The following DOP1A variants were observed in gnomAD, a reference collection of about 807,000 sequenced individuals.
DOP1A encodes DOP1 leucine zipper like protein A, also known as protein DOP1A.
In DOP1A, 90 loss-of-function variants were observed where a neutral mutation model predicts 267.6. The observed-to-expected ratio is 0.34, with a 90% CI of 0.28 to 0.40. The LOEUF (loss-of-function observed/expected upper bound fraction) is 0.40. DOP1A is among the 10% of genes least tolerant of loss of function. The probability of loss-of-function intolerance (pLI) is 1.00; values close to 1 mark genes in which losing one functional copy is unlikely to be tolerated. For synonymous variants in DOP1A, 932 were observed against 999.1 expected (o/e 0.93, Z 1.27); for missense variants, 2,437 against 2,900.4 (o/e 0.84, Z 3.67).
At chr6:83,097,755 A>T (rs1045131915) in intron 3 of DOP1A, among the ~76,000 whole-genome samples, 2 of 151,950 alleles carry the variant, frequency 1.3e-5, no homozygotes, top group African/African-American at 4.8e-5. Flanking sequence ...CCCATAGTTA[A>T]GGTTTTTTTT....
intron 36 of DOP1A, among the ~76,000 whole-genome samples, chr6:83,159,299 G>C (rs1348815627): frequency 6.6e-6 from 1 of 151,622 alleles, no homozygotes; most frequent in East Asian, 1.9e-4. Context: ...TTTTAGACAG[G>C]GTCTCATCTT....
chr6:83,156,144 G>A (rs1472554201), intron 34 of DOP1A, 41 bp downstream of exon 34: 2 of 1,539,564 alleles, frequency 1.3e-6, no homozygotes, highest in Non-Finnish European at 1.8e-6. Flanking sequence ...CTAACTACAG[G>A]TTTTTGGTTC....
chr6:83,141,510 C>T (rs951766408), intron 23 of DOP1A, among the ~76,000 whole-genome samples: 1 of 152,164 alleles, frequency 6.6e-6, no homozygotes, highest in Non-Finnish European at 1.5e-5. Flanking sequence ...ACCATTAGAA[C>T]ATTTGATCTA....
chr6:83,107,965 T>C (rs748707416), intron 4 of DOP1A, among the ~76,000 whole-genome samples: 8 of 152,234 alleles, frequency 5.3e-5, no homozygotes, highest in Non-Finnish European at 1.0e-4. Flanking sequence ...AAAGTCCACA[T>C]TGGCAATGGG....
At chr6:83,093,422 C>G (rs1770837819) in intron 1 of DOP1A, among the ~76,000 whole-genome samples, 1 of 152,124 alleles carries the variant, frequency 6.6e-6, no homozygotes, top group South Asian at 2.1e-4. Flanking sequence ...GGATTTGTAG[C>G]TTTTTTCAGT....
chr6:83,140,274 C>T lies in DOP1A; in HGVS notation c.5286C>T (p.Leu1762=), dbSNP rs570657270. The T allele has an allele frequency of 8.1e-6, 13 of 1,613,650 alleles. No homozygotes were observed. The East Asian group carries it at 2.9e-4, about 36-fold the overall frequency. ...KHLFEARSGI[L]SILHMIMSSV... is the part of the protein sequence containing the mutation. The stretch of plus-strand genomic sequence containing the variant: ...TGTTTGAAGCACGCAGTGGAATCCT[C>T]TCAATCCTTCATATGATCATGTCCT... Residue 1762 remains leucine, a synonymous_variant, in exon 23 of 39, where the codon CTC becomes CTT. Transcript: ENST00000349129.
At chr6:83,105,393 C>T (rs1487633797) in intron 4 of DOP1A, among the ~76,000 whole-genome samples, 2 of 99,876 alleles carry the variant, frequency 2.0e-5, no homozygotes, top group East Asian at 7.1e-4. Context: ...TTGAGACAGT[C>T]TCGCTCTGTC....
At chr6:83,086,655 T>C (rs776692120) in intron 1 of DOP1A, among the ~76,000 whole-genome samples, 1 of 152,170 alleles carries the variant, frequency 6.6e-6, no homozygotes, top group African/African-American at 2.4e-5. Flanking sequence ...TGAATACTGC[T>C]GAGTTGAATA....
chr6:83,153,507 A>C lies in DOP1A; in HGVS notation c.6130-4A>C. ...GTTACTCTTCATTTTTTATGTTTTC[A>C]TAGGTTTTGGCTCATCTTTTGGATA... On this transcript the variant is annotated splice_region_variant and splice_polypyrimidine_tract_variant and intron_variant, in intron 30 of 38. Transcript: ENST00000349129. 1 of 1,577,746 alleles carries C rather than the reference A, an allele frequency of 6.3e-7. No individual in the cohort carries two copies. Among genetic ancestry groups the C allele is most frequent in the East Asian group, 2.3e-5 (1 of 43,638 alleles).
chr6:83,153,197 G>T (rs190585326), intron 30 of DOP1A, among the ~76,000 whole-genome samples: 148 of 152,076 alleles, frequency 9.7e-4, no homozygotes, highest in African/African-American at 3.3e-3. Context: ...CAGGGAAAAA[G>T]AATACTATAG....
At chr6:83,111,635 T>C (rs1774580277) in intron 6 of DOP1A, among the ~76,000 whole-genome samples, 1 of 152,134 alleles carries the variant, frequency 6.6e-6, no homozygotes, top group Non-Finnish European at 1.5e-5. Context: ...GATGAACATC[T>C]TGTGGTTGGT....
downstream of DOP1A, chr6:83,170,178 G>T: frequency 1.3e-6 from 1 of 789,056 alleles, no homozygotes. Context: ...TAGTCTTAAT[G>T]TGAACCTAAA....
chr6:83,122,424 G>A (rs560385850), intron 11 of DOP1A, among the ~76,000 whole-genome samples: 1 of 151,974 alleles, frequency 6.6e-6, no homozygotes, highest in East Asian at 1.9e-4. Flanking sequence ...ATTGAAACTG[G>A]TCAAGGTAAA....
At chr6:83,143,955 A>C (rs1442636336) in intron 24 of DOP1A, among the ~76,000 whole-genome samples, 8 of 152,204 alleles carry the variant, frequency 5.3e-5, no homozygotes, top group Admixed American at 5.2e-4. Context: ...AAAAGCTTCT[A>C]ATGAAAGAAT....
intron 16 of DOP1A, 78 bp from the exon 17 acceptor site, chr6:83,130,045 T>C: frequency 6.5e-7 from 1 of 1,531,224 alleles, no homozygotes; most frequent in Admixed American, 1.9e-5. Context: ...TTAGTGGCTT[T>C]GTTTTTTGAA....
intron 34 of DOP1A, among the ~76,000 whole-genome samples, chr6:83,156,885 C>A (rs1782925989): frequency 6.6e-6 from 1 of 152,106 alleles, no homozygotes; most frequent in Admixed American, 6.6e-5. Flanking sequence ...GGTCCATGGA[C>A]CAGTAACCAG....
rs1562331742 is a variant in DOP1A at position 83,128,760 on chromosome 6, T to G, written c.1720-127T>G. ...ATGAATAAATCAGTGTGGGGCTGCT[T>G]TAAGAGTCAACAGAATGGGCAGATT... On this transcript the variant is annotated intron_variant, in intron 15 of 38. Transcript: ENST00000349129. 3.7e-6 allele frequency: 4 copies of G among 1,093,150 alleles called. No individual in the cohort carries two copies. In the Admixed American group the frequency reaches 1.3e-4, roughly 36 times the overall value. 67.7% of individuals were successfully genotyped at this position (1,093,150 alleles called of 1,614,324 possible).
rs751194872 is a variant in DOP1A, at chr6:83,153,565, A to C, written c.6184A>C (p.Ile2062Leu). The stretch of plus-strand genomic sequence containing the variant: ...CTATAGTGATGAAAAGGAGCGGGTT[A>C]TTCCTTTACTTGTAAATATTATGCA... ...VFYSDEKERV[I>L]PLLVNIMHYV... is the part of the protein sequence containing the mutation. The change falls in exon 31 of 39, where the codon ATT becomes CTT. Residue 2062 changes from isoleucine to leucine, a missense_variant. By Grantham distance (5) the Ile-to-Leu change is conservative (BLOSUM62 2). Transcript: ENST00000349129. 2 of 1,610,300 alleles carry C rather than the reference A, an allele frequency of 1.2e-6. No individual in the cohort carries two copies. Among genetic ancestry groups the C allele is most frequent in the African/African-American group, 2.7e-5 (2 of 74,944 alleles).
At chr6:83,152,239 T>G in intron 29 of DOP1A, 49 bp from the exon 30 acceptor site, 1 of 1,122,346 alleles carries the variant, frequency 8.9e-7, no homozygotes, top group Non-Finnish European at 1.3e-6. Context: ...CACATAAAAT[T>G]TATTTTCAGT....
Sources: allele counts gnomAD v4.1 joint callset (sites outside exome capture counted in the v4.1 genomes callset), GRCh38; gene constraint gnomAD v4.1.1; transcripts MANE v1.5; gene names NCBI Gene and HGNC (gene_info 2026-07-23, HGNC 2026-07-21).